IL1RAPL2: variants seen among roughly 807,000 people sequenced by gnomAD.
The protein encoded by IL1RAPL2 is interleukin 1 receptor accessory protein like 2, also known as X-linked interleukin-1 receptor accessory protein-like 2.
IL1RAPL2 carries 3 observed loss-of-function variants against 44.1 expected under a neutral mutation model. The ratio of observed to expected loss-of-function variants is 0.07; its 90% CI spans 0.03 to 0.18. The LOEUF (loss-of-function observed/expected upper bound fraction) is 0.18, where lower values mean the gene tolerates loss of function less well. Ranked by LOEUF, IL1RAPL2 falls within the 10% of genes least tolerant of loss-of-function variation. The probability of loss-of-function intolerance (pLI) is 1.00; values close to 1 mark genes in which losing one functional copy is unlikely to be tolerated. For missense variants in IL1RAPL2, 391 were observed against 496.4 expected (o/e 0.79, Z 2.02); for synonymous variants, 181 against 178.8 (o/e 1.01, Z -0.10).
intron 2 of IL1RAPL2, among the ~76,000 whole-genome samples, chrX:105,141,409 TC>T (rs1343610916): frequency 3.6e-5 from 4 of 110,894 alleles, no homozygotes; most frequent in Admixed American, 9.7e-5. Flanking sequence ...AGATCTTTTC[TC>T]CATCTTAAAT....
At chrX:105,008,880 AC>A (rs1700208336) in intron 2 of IL1RAPL2, among the ~76,000 whole-genome samples, 1 of 111,913 alleles carries the variant, frequency 8.9e-6, no homozygotes, top group South Asian at 3.7e-4. Flanking sequence ...TCCAGAATCT[AC>A]AAAGAACTCA....
At chrX:104,679,314 A>G (rs1930849722) in intron 2 of IL1RAPL2, among the ~76,000 whole-genome samples, 2 of 111,492 alleles carry the variant, frequency 1.8e-5, no homozygotes, top group Non-Finnish European at 3.8e-5. Flanking sequence ...GTTAGATAAA[A>G]ACACCCTTAG....
At chrX:105,186,381 C>T (rs1569399738) in intron 2 of IL1RAPL2, among the ~76,000 whole-genome samples, 1 of 111,805 alleles carries the variant, frequency 8.9e-6, no homozygotes, top group East Asian at 2.8e-4. Context: ...CAGAGCATGA[C>T]TAGGATTTGG....
chrX:105,235,775 G>A (rs782634348), intron 4 of IL1RAPL2, among the ~76,000 whole-genome samples: 16 of 112,237 alleles, frequency 1.4e-4, no homozygotes, highest in Admixed American at 1.0e-3. Context: ...AGCTAAACTT[G>A]ATTTCAACAT....
intron 2 of IL1RAPL2, among the ~76,000 whole-genome samples, chrX:104,786,919 T>TTCTCTC (rs58609782): frequency 2.2e-3 from 81 of 36,663 alleles, no homozygotes; most frequent in African/African-American, 2.9e-3. Flanking sequence ...CTCATTCATA[T>TTCTCTC]TCTCTCTCTC....
intron 2 of IL1RAPL2, among the ~76,000 whole-genome samples, chrX:105,002,708 C>T (rs2030872865): frequency 9.2e-6 from 1 of 108,347 alleles, no homozygotes; most frequent in Admixed American, 1.0e-4. Context: ...ATACCAAAGT[C>T]ATTATGTGTT....
At chrX:104,946,579 C>A (rs1925377254) in intron 2 of IL1RAPL2, among the ~76,000 whole-genome samples, 1 of 66,531 alleles carries the variant, frequency 1.5e-5, no homozygotes, top group Admixed American at 2.2e-4. Context: ...CCCCACCCCA[C>A]AACAGTCCCC....
intron 4 of IL1RAPL2, among the ~76,000 whole-genome samples, chrX:105,234,981 G>A (rs782163127): frequency 4.5e-5 from 5 of 110,618 alleles, no homozygotes; most frequent in Non-Finnish European, 7.6e-5. Flanking sequence ...GCTGCCAAGA[G>A]ATACAGCCTT....
intron 5 of IL1RAPL2, among the ~76,000 whole-genome samples, chrX:105,468,444 G>A (rs2036145287): frequency 5.3e-4 from 1 of 1,877 alleles, no homozygotes; most frequent in Admixed American, 9.0e-3. Flanking sequence ...TGGGAACAGG[G>A]CTGGCCTCAG....
intron 2 of IL1RAPL2, among the ~76,000 whole-genome samples, chrX:105,132,358 T>A (rs1375431327): frequency 1.8e-5 from 2 of 110,703 alleles, no homozygotes; most frequent in African/African-American, 6.5e-5. Flanking sequence ...AAAATGGTGG[T>A]TAAGCTGCTT....
chrX:104,789,434 G>A (rs1466141423), intron 2 of IL1RAPL2, among the ~76,000 whole-genome samples: 1 of 111,488 alleles, frequency 9.0e-6, no homozygotes, highest in Non-Finnish European at 1.9e-5. Context: ...TCTGCTTGAT[G>A]TGTTTAGAAA....
intron 2 of IL1RAPL2, among the ~76,000 whole-genome samples, chrX:104,872,022 T>A (rs1395145798): frequency 8.9e-6 from 1 of 111,835 alleles, no homozygotes; most frequent in African/African-American, 3.3e-5. Context: ...CCTTGTATAG[T>A]GTTGTGTATA....
chrX:105,010,147 A>G (rs2147740679), intron 2 of IL1RAPL2, among the ~76,000 whole-genome samples: 1 of 111,211 alleles, frequency 9.0e-6, no homozygotes, highest in Admixed American at 9.6e-5. Flanking sequence ...AAACAATTGC[A>G]TATTTGAATT....
At chrX:105,486,708 T>G (rs2036269374) in intron 6 of IL1RAPL2, among the ~76,000 whole-genome samples, 1 of 103,705 alleles carries the variant, frequency 9.6e-6, no homozygotes, top group Non-Finnish European at 1.9e-5. Context: ...TGAAAACAAT[T>G]TATCCACATA....
At chrX:104,896,172 T>C (rs1158445321) in intron 2 of IL1RAPL2, among the ~76,000 whole-genome samples, 1 of 112,052 alleles carries the variant, frequency 8.9e-6, no homozygotes, top group Non-Finnish European at 1.9e-5. Flanking sequence ...CTCCCCTTTC[T>C]CGGTCCCATT....
At chrX:104,886,862 A>T (rs1923261956) in intron 2 of IL1RAPL2, among the ~76,000 whole-genome samples, 1 of 112,129 alleles carries the variant, frequency 8.9e-6, no homozygotes, top group African/African-American at 3.2e-5. Flanking sequence ...TCTCAAGTCC[A>T]GGCACTCTGG....
intron 3 of IL1RAPL2, among the ~76,000 whole-genome samples, chrX:105,200,029 G>A (rs1256167415): frequency 1.1e-4 from 12 of 111,245 alleles, no homozygotes; most frequent in South Asian, 7.6e-4. Flanking sequence ...GAGAAATTCC[G>A]TCCATATAGG....
chrX:105,348,571 G>GCAAGCCC (rs1203324652), intron 5 of IL1RAPL2, among the ~76,000 whole-genome samples: 1 of 111,395 alleles, frequency 9.0e-6, no homozygotes, highest in East Asian at 2.8e-4. Flanking sequence ...AAACTAAACT[G>GCAAGCCC]CAAGCCCCAT....
At chrX:105,317,800 C>T (rs1319152236) in intron 5 of IL1RAPL2, among the ~76,000 whole-genome samples, 2 of 110,100 alleles carry the variant, frequency 1.8e-5, no homozygotes, top group Admixed American at 1.9e-4. Flanking sequence ...AATATGAGAA[C>T]AGGACAGAGC....
Sources: gnomAD v4.1 joint callset for allele counts (sites outside exome capture counted in the v4.1 genomes callset) on GRCh38, gnomAD v4.1.1 for gene constraint, MANE v1.5 for transcripts, NCBI Gene and HGNC (gene_info 2026-07-23, HGNC 2026-07-21) for gene names.